The following GAB1 variants were observed in gnomAD, a reference collection of about 807,000 sequenced individuals.
GAB1 encodes the protein GRB2 associated binding protein 1.
A neutral mutation model predicts 66.5 loss-of-function variants in GAB1; 19 were observed. That is an observed-to-expected ratio of 0.29 (90% CI 0.20 to 0.42). The LOEUF (loss-of-function observed/expected upper bound fraction) is 0.42. Among genes scored for constraint, GAB1 ranks in the 10% least tolerant of loss-of-function variants. GAB1 has a pLI of 1.00. For synonymous variants in GAB1, 294 were observed against 301.4 expected (o/e 0.98, Z 0.25); for missense variants, 732 against 858.5 (o/e 0.85, Z 1.84).
chr4:143,373,887 T>TATATATATATATATATATATA (rs1560726049), intron 1 of GAB1, among the ~76,000 whole-genome samples: 22 of 98,260 alleles, frequency 2.2e-4, no homozygotes, highest in Middle Eastern at 5.6e-3. Context: ...ATATATATAT[T>TATATATATATATATATATATA]TTTACCTTTC....
chr4:143,466,480 CTTTTTTTTT>C (rs776557170), intron 9 of GAB1, among the ~76,000 whole-genome samples: 9 of 67,270 alleles, frequency 1.3e-4, no homozygotes, highest in East Asian at 4.4e-4. Flanking sequence ...TTAACAAATT[CTTTTTTTTT>C]TTTTTTTTTT....
At chr4:143,433,936 T>A (rs998516990) in intron 3 of GAB1, among the ~76,000 whole-genome samples, 4 of 152,248 alleles carry the variant, frequency 2.6e-5, no homozygotes, top group Admixed American at 6.5e-5. Flanking sequence ...CTGCCATCTT[T>A]GGCAAAGAGC....
In GAB1 at chr4:143,337,123, C is replaced by T; in HGVS notation, c.-66C>T. The T allele has an allele frequency of 1.4e-6, 2 of 1,422,926 alleles. No homozygotes were observed. Among genetic ancestry groups the T allele is most frequent in the Admixed American group, 2.1e-5 (1 of 48,662 alleles). 88.1% of individuals were successfully genotyped at this position (1,422,926 alleles called of 1,614,324 possible). A position where few individuals can be genotyped will look rare whatever the true frequency, so the allele number is the denominator to read the frequency against. On this transcript the variant is annotated 5_prime_UTR_variant, in exon 1 of 10. Coordinates refer to ENST00000262994, the MANE Select transcript of GAB1 (RefSeq NM_002039.4). The stretch of plus-strand genomic sequence containing the variant: ...TCGCCACTGCGCGCTCGGCAGGCGT[C>T]GGCTGTGTCGGGAGCGCGCCCGCCG...
intron 6 of GAB1, among the ~76,000 whole-genome samples, chr4:143,451,899 T>A (rs1578739806): frequency 1.3e-5 from 2 of 149,004 alleles, no homozygotes; most frequent in South Asian, 4.2e-4. Flanking sequence ...AGTGCTCATT[T>A]AAAAAAAAAA....
intron 1 of GAB1, among the ~76,000 whole-genome samples, chr4:143,387,191 ATG>A (rs1233692147): frequency 2.4e-4 from 36 of 152,280 alleles, no homozygotes; most frequent in Admixed American, 1.8e-3. Context: ...GAATGCAATG[ATG>A]CTATCTTGGC....
At chr4:143,464,504 A>G (rs555063851) in intron 8 of GAB1, among the ~76,000 whole-genome samples, 1 of 152,294 alleles carries the variant, frequency 6.6e-6, no homozygotes, top group Admixed American at 6.5e-5. Flanking sequence ...TGCTGGGATT[A>G]CAGGCCTGAG....
intron 3 of GAB1, among the ~76,000 whole-genome samples, chr4:143,436,603 G>A (rs1025088700): frequency 6.6e-5 from 10 of 152,128 alleles, no homozygotes; most frequent in African/African-American, 2.4e-4. Flanking sequence ...TAAGTACGCG[G>A]CTAAGAAGAA....
chr4:143,426,705 C>T (rs144316137), intron 2 of GAB1, among the ~76,000 whole-genome samples: 28 of 152,268 alleles, frequency 1.8e-4, no homozygotes, highest in African/African-American at 6.5e-4. Context: ...GATAAACTGT[C>T]ATATTTAGCC....
intron 1 of GAB1, among the ~76,000 whole-genome samples, chr4:143,400,260 T>A (rs1447976485): frequency 6.6e-6 from 1 of 152,132 alleles, no homozygotes; most frequent in Non-Finnish European, 1.5e-5. Context: ...CTACTTTTTG[T>A]CAGGCACATG....
At chr4:143,436,904 G>A (rs904858698) in intron 3 of GAB1, among the ~76,000 whole-genome samples, 4 of 152,164 alleles carry the variant, frequency 2.6e-5, no homozygotes, top group South Asian at 2.1e-4. Context: ...CTCTAATAGC[G>A]TGTATGGTAA....
At chr4:143,467,003 A>G (rs1042392112) in intron 9 of GAB1, among the ~76,000 whole-genome samples, 9 of 152,096 alleles carry the variant, frequency 5.9e-5, no homozygotes, top group Non-Finnish European at 1.2e-4. Flanking sequence ...CCTATTTCTC[A>G]GACCTTCCTT....
chr4:143,432,589 C>T (rs899251199), intron 2 of GAB1, among the ~76,000 whole-genome samples: 5 of 146,166 alleles, frequency 3.4e-5, no homozygotes, highest in Non-Finnish European at 5.9e-5. Flanking sequence ...TTTTTCTGTT[C>T]TATAATAACA....
chr4:143,391,159 A>AT (rs1731169624), intron 1 of GAB1, among the ~76,000 whole-genome samples: 1 of 152,204 alleles, frequency 6.6e-6, no homozygotes, highest in Admixed American at 6.5e-5. Flanking sequence ...AAATGCAACC[A>AT]TTATGTATTT....
intron 1 of GAB1, among the ~76,000 whole-genome samples, chr4:143,351,689 C>T (rs981838974): frequency 6.6e-6 from 1 of 152,178 alleles, no homozygotes; most frequent in Non-Finnish European, 1.5e-5. Context: ...GGACCAGGCT[C>T]TTCCCGTCCC....
chr4:143,448,275 G>A (rs934854823), intron 6 of GAB1, among the ~76,000 whole-genome samples: 5 of 151,766 alleles, frequency 3.3e-5, no homozygotes, highest in East Asian at 3.9e-4. Context: ...GTCTCTGCCC[G>A]GCTTTGGTAT....
At chr4:143,446,364 G>C (rs1210221918) in intron 6 of GAB1, among the ~76,000 whole-genome samples, 1 of 152,150 alleles carries the variant, frequency 6.6e-6, no homozygotes, top group Non-Finnish European at 1.5e-5. Context: ...CTGAGGAATC[G>C]CCACACTGAT....
chr4:143,431,952 A>AT (rs1733677412), intron 2 of GAB1, among the ~76,000 whole-genome samples: 1 of 152,194 alleles, frequency 6.6e-6, no homozygotes. Context: ...GAAAAAAAAA[A>AT]GGCCTCGCTT....
Position 143,471,319 on chromosome 4 carries a change from TAGAA to T in GAB1, c.*2133_*2136del, listed in dbSNP as rs1408009198. The T allele has an allele frequency of 1.4e-4, 21 of 152,218 alleles. No homozygotes were observed. The highest frequency in any genetic ancestry group is 3.4e-4 in the African/African-American group (14 of 41,460). The allele number at this position is 152,218 out of a possible 1,614,324, so 9.4% of individuals were successfully genotyped here. A position where few individuals can be genotyped will look rare whatever the true frequency, so the allele number is the denominator to read the frequency against. On this transcript the variant is annotated 3_prime_UTR_variant, in exon 10 of 10. Coordinates refer to ENST00000262994, the MANE Select transcript of GAB1 (RefSeq NM_002039.4). ...GAATAATTTAAAAATGGTGATGTAT[TAGAA>T]AGGCAGTTTGCTTTAGAAAACTAAA... is the stretch of plus-strand genomic sequence containing the variant.
At chr4:143,459,649 A>AT (rs1259134954) in intron 7 of GAB1, among the ~76,000 whole-genome samples, 171 bp downstream of exon 7, 5 of 151,978 alleles carry the variant, frequency 3.3e-5, no homozygotes, top group African/African-American at 1.2e-4. Flanking sequence ...TTAAGATGTT[A>AT]TTTTCTGTAT....
Sources: allele counts gnomAD v4.1 joint callset (sites outside exome capture counted in the v4.1 genomes callset), GRCh38; gene constraint gnomAD v4.1.1; transcripts MANE v1.5; gene names NCBI Gene and HGNC (gene_info 2026-07-23, HGNC 2026-07-21).